Variants in CCDC7 observed in about 807,000 individuals in gnomAD.
CCDC7 encodes coiled-coil domain-containing protein 7.
Under a neutral mutation model 196.9 loss-of-function variants are expected in CCDC7, and 183 were observed. The ratio of observed to expected loss-of-function variants is 0.93; its 90% CI spans 0.82 to 1.05. The LOEUF (loss-of-function observed/expected upper bound fraction) is 1.05. Among genes scored for constraint, CCDC7 ranks in the 50% least tolerant of loss-of-function variants. The pLI, the probability that CCDC7 is intolerant of heterozygous loss-of-function variation, is 0.00. For synonymous variants in CCDC7, 525 were observed against 484.6 expected (o/e 1.08, Z -1.10); for missense variants, 1,540 against 1,482.2 (o/e 1.04, Z -0.64).
intron 20 of CCDC7, among the ~76,000 whole-genome samples, chr10:32,659,491 T>A (rs2140334865): frequency 6.6e-6 from 1 of 152,216 alleles, no homozygotes; most frequent in East Asian, 1.9e-4. Flanking sequence ...CAGGTTCAGT[T>A]CTAGAACACC....
intron 29 of CCDC7, among the ~76,000 whole-genome samples, chr10:32,794,025 A>G (rs1365692106): frequency 6.6e-6 from 1 of 152,110 alleles, no homozygotes; most frequent in Non-Finnish European, 1.5e-5. Context: ...TAAATTGCAT[A>G]TTGCTAAGGC....
intron 23 of CCDC7, 28 bp downstream of exon 24, chr10:32,689,191 A>C: frequency 7.4e-7 from 1 of 1,359,798 alleles, no homozygotes; most frequent in South Asian, 1.4e-5. Flanking sequence ...AGATAACTTT[A>C]AATTATTTAA....
chr10:32,598,624 C>A (rs560569834), intron 18 of CCDC7, among the ~76,000 whole-genome samples: 5 of 152,272 alleles, frequency 3.3e-5, no homozygotes, highest in African/African-American at 9.6e-5. Context: ...CTTGGTGCCA[C>A]CCCTGTCTCA....
intron 41 of CCDC7, among the ~76,000 whole-genome samples, chr10:32,873,095 A>C (rs548743579): frequency 6.6e-6 from 1 of 152,046 alleles, no homozygotes; most frequent in East Asian, 1.9e-4. Context: ...GCCTTGCTAG[A>C]TTAGGGAAGT....
At chr10:32,798,132 C>G (rs531757333) in intron 29 of CCDC7, among the ~76,000 whole-genome samples, 1 of 152,304 alleles carries the variant, frequency 6.6e-6, no homozygotes, top group East Asian at 1.9e-4. Context: ...CATAGGCAAA[C>G]GCATAACTGG....
At chr10:32,721,263 G>T (rs1452707244) in intron 25 of CCDC7, among the ~76,000 whole-genome samples, 1 of 152,128 alleles carries the variant, frequency 6.6e-6, no homozygotes, top group East Asian at 1.9e-4. Flanking sequence ...GCCAAAATTT[G>T]TCTCATGAAG....
intron 28 of CCDC7, among the ~76,000 whole-genome samples, chr10:32,759,671 G>A (rs1310936562): frequency 2.0e-5 from 3 of 152,128 alleles, no homozygotes; most frequent in African/African-American, 7.2e-5. Flanking sequence ...TACCTTTCAG[G>A]ACATAGGCAT....
intron 18 of CCDC7, among the ~76,000 whole-genome samples, chr10:32,592,794 G>A (rs950440914): frequency 9.2e-5 from 14 of 152,222 alleles, no homozygotes; most frequent in African/African-American, 2.2e-4. Context: ...GTGAGAACAC[G>A]TGGTGTTTGG....
At chr10:32,697,803 A>C (rs2077977338) in intron 24 of CCDC7, among the ~76,000 whole-genome samples, 1 of 152,194 alleles carries the variant, frequency 6.6e-6, no homozygotes, top group Admixed American at 6.5e-5. Context: ...TCCCTGTCTG[A>C]CAGCTTTGAA....
chr10:32,729,045 C>A, intron 27 of CCDC7, 48 bp downstream of exon 28: 1 of 1,264,208 alleles, frequency 7.9e-7, no homozygotes, highest in Non-Finnish European at 1.1e-6. Flanking sequence ...ATGTTGAACT[C>A]ATCAGATCTT....
intron 1 of CCDC7, among the ~76,000 whole-genome samples, chr10:32,452,669 G>C (rs1253400848): frequency 6.6e-6 from 1 of 152,072 alleles, no homozygotes; most frequent in African/African-American, 2.4e-5. Flanking sequence ...TACTGGTCAG[G>C]CTGGTCTTAA....
At chr10:32,553,625 T>C (rs1202976138) in intron 13 of CCDC7, among the ~76,000 whole-genome samples, 2 of 152,162 alleles carry the variant, frequency 1.3e-5, no homozygotes, top group Non-Finnish European at 2.9e-5. Context: ...GATGTAGTAC[T>C]CTCCCCCTTT....
intron 20 of CCDC7, among the ~76,000 whole-genome samples, chr10:32,641,738 G>A (rs2066840131): frequency 6.6e-6 from 1 of 152,166 alleles, no homozygotes; most frequent in South Asian, 2.1e-4. Flanking sequence ...CTGATTTTTA[G>A]AGTTTCCAGT....
intron 18 of CCDC7, among the ~76,000 whole-genome samples, chr10:32,592,909 G>C (rs921547635): frequency 1.3e-5 from 2 of 152,072 alleles, no homozygotes; most frequent in African/African-American, 4.8e-5. Flanking sequence ...ATAGTATTCC[G>C]TGGTGTATAT....
In CCDC7 at chr10:32,793,975, A is replaced by G. The variant is rs575006270; in HGVS notation, c.3014-11040A>G. On this transcript the variant is annotated intron_variant, in intron 29 of 41. Coordinates refer to ENST00000639629, the Ensembl canonical transcript of CCDC7. ...CAAAGTTTCCTGTTTTTCTACTTTT[A>G]TATTAGGTTCAGGGTATATGTGGAG... Among the ~76,000 whole-genome samples the G allele has an allele frequency of 1.2e-4, 18 of 152,208 alleles. No individual in the cohort carries two copies. The South Asian group carries it at 3.7e-3, about 32-fold the overall frequency.
intron 18 of CCDC7, among the ~76,000 whole-genome samples, chr10:32,633,414 A>T (rs927506960): frequency 3.5e-4 from 54 of 152,152 alleles, no homozygotes; most frequent in African/African-American, 1.2e-3. Context: ...ACCTGACTGA[A>T]CATTAACAAC....
At chr10:32,873,416 T>C (rs1290795575) in intron 41 of CCDC7, among the ~76,000 whole-genome samples, 1 of 152,020 alleles carries the variant, frequency 6.6e-6, no homozygotes, top group African/African-American at 2.4e-5. Flanking sequence ...CTGCATTGGT[T>C]ATTCTAGTTA....
At chr10:32,560,763 CT>C (rs2055394514) in intron 13 of CCDC7, among the ~76,000 whole-genome samples, 1 of 5,514 alleles carries the variant, frequency 1.8e-4, no homozygotes, top group South Asian at 0.014. Flanking sequence ...ACTGCATCAA[CT>C]AACGAGCAAA....
chr10:32,698,687 A>G (rs1240450585), intron 24 of CCDC7, among the ~76,000 whole-genome samples: 1 of 152,338 alleles, frequency 6.6e-6, no homozygotes, highest in African/African-American at 2.4e-5. Context: ...AAATCCTCCA[A>G]GAAATATGGG....
Sources: allele counts gnomAD v4.1 joint callset (sites outside exome capture counted in the v4.1 genomes callset), GRCh38; gene constraint gnomAD v4.1.1; transcripts MANE v1.5; gene names NCBI Gene and HGNC (gene_info 2026-07-23, HGNC 2026-07-21).